The following ADGRL2 variants were observed in gnomAD, a reference collection of about 807,000 sequenced individuals.
ADGRL2 encodes the protein calcium-independent alpha-latrotoxin receptor 2.
In ADGRL2, 44 loss-of-function variants were observed where a neutral mutation model predicts 157.4. The ratio of observed to expected loss-of-function variants is 0.28; its 90% CI spans 0.22 to 0.36. ADGRL2 has a LOEUF of 0.36. Among genes scored for constraint, ADGRL2 ranks in the 10% least tolerant of loss-of-function variants. The probability of loss-of-function intolerance (pLI) is 1.00; values close to 1 mark genes in which losing one functional copy is unlikely to be tolerated. For synonymous variants in ADGRL2, 585 were observed against 624.7 expected (o/e 0.94, Z 0.95); for missense variants, 1,510 against 1,768.9 (o/e 0.85, Z 2.63).
chr1:81,845,292 G>A (rs1298369728), intron 2 of ADGRL2, among the ~76,000 whole-genome samples: 1 of 151,854 alleles, frequency 6.6e-6, no homozygotes, highest in Non-Finnish European at 1.5e-5. Context: ...TTTCTTTCAA[G>A]TATAAGTAAA....
intron 2 of ADGRL2, among the ~76,000 whole-genome samples, chr1:81,789,008 G>A (rs761650933): frequency 2.0e-5 from 3 of 152,074 alleles, no homozygotes; most frequent in South Asian, 4.2e-4. Context: ...GAGCCACTGC[G>A]CCTGGTCTGG....
At chr1:81,436,309 G>C (rs2077408434) in intron 1 of ADGRL2, among the ~76,000 whole-genome samples, 1 of 152,118 alleles carries the variant, frequency 6.6e-6, no homozygotes, top group African/African-American at 2.4e-5. Context: ...TTGTTCTAGA[G>C]GGGACTTACA....
chr1:81,564,790 A>G (rs1441412833), intron 2 of ADGRL2, among the ~76,000 whole-genome samples: 1 of 152,144 alleles, frequency 6.6e-6, no homozygotes, highest in Non-Finnish European at 1.5e-5. Flanking sequence ...CACAGTCAAG[A>G]AAGTGTTCTC....
intron 1 of ADGRL2, among the ~76,000 whole-genome samples, chr1:81,408,033 GAC>G (rs1191907623): frequency 6.6e-6 from 1 of 152,128 alleles, no homozygotes; most frequent in African/African-American, 2.4e-5. Flanking sequence ...TGTTACACAA[GAC>G]ACACACAGGA....
At chr1:81,565,374 A>C (rs891884890) in intron 2 of ADGRL2, among the ~76,000 whole-genome samples, 5 of 152,226 alleles carry the variant, frequency 3.3e-5, no homozygotes, top group African/African-American at 1.2e-4. Flanking sequence ...TAGAGCAATA[A>C]ATATCTTTGG....
At chr1:81,460,048 C>A (rs1438917977) in intron 2 of ADGRL2, among the ~76,000 whole-genome samples, 1 of 151,828 alleles carries the variant, frequency 6.6e-6, no homozygotes, top group Admixed American at 6.6e-5. Flanking sequence ...CTAAGAGGTG[C>A]AAGGTGATAT....
intron 2 of ADGRL2, among the ~76,000 whole-genome samples, chr1:81,489,225 A>C (rs1305027036): frequency 1.4e-5 from 2 of 145,988 alleles, no homozygotes; most frequent in African/African-American, 5.4e-5. Flanking sequence ...TGACAGAGGG[A>C]GACTCTGTCT....
intron 2 of ADGRL2, among the ~76,000 whole-genome samples, chr1:81,472,561 G>A (rs773932957): frequency 6.6e-5 from 10 of 152,118 alleles, no homozygotes; most frequent in Non-Finnish European, 1.3e-4. Context: ...AACCAGGGAG[G>A]TGGGGGGAGG....
intron 1 of ADGRL2, among the ~76,000 whole-genome samples, chr1:81,318,037 T>C (rs1660232567): frequency 1.3e-5 from 2 of 152,192 alleles, no homozygotes; most frequent in Non-Finnish European, 2.9e-5. Flanking sequence ...TCTGACTTTA[T>C]ATTTAATATA....
rs2080947878 is a variant in ADGRL2, at chr1:81,582,997, A to G, written c.-143+2017A>G. On this transcript the variant is annotated intron_variant, in intron 3 of 24. Transcript: ENST00000370721. ...TTCATTCTTTCAGTTTTATTAATGTATAAGAACACTCCCATGTGTCATGGG... is the reference window on the plus strand; with the variant it reads ...TTCATTCTTTCAGTTTTATTAATGTGTAAGAACACTCCCATGTGTCATGGG... Among the ~76,000 whole-genome samples, 3 of 152,284 alleles carry G rather than the reference A, an allele frequency of 2.0e-5. No homozygotes were observed. The South Asian group carries it at 6.2e-4, about 32-fold the overall frequency.
intron 1 of ADGRL2, among the ~76,000 whole-genome samples, chr1:81,818,988 T>C (rs2090707351): frequency 6.6e-6 from 1 of 152,120 alleles, no homozygotes; most frequent in Non-Finnish European, 1.5e-5. Flanking sequence ...AAGTAGGAGA[T>C]GAAACGGGTG....
intron 3 of ADGRL2, among the ~76,000 whole-genome samples, chr1:81,678,979 C>A (rs1169601276): frequency 6.6e-6 from 1 of 152,090 alleles, no homozygotes; most frequent in Non-Finnish European, 1.5e-5. Flanking sequence ...TGTCATAAAG[C>A]TGCTATTATT....
At chr1:81,791,414 T>C (rs1269041255) in intron 2 of ADGRL2, among the ~76,000 whole-genome samples, 1 of 152,080 alleles carries the variant, frequency 6.6e-6, no homozygotes, top group Non-Finnish European at 1.5e-5. Context: ...CTGAAGAAGT[T>C]GGAGGCTCAA....
intron 1 of ADGRL2, among the ~76,000 whole-genome samples, chr1:81,363,064 A>G (rs1437280171): frequency 1.3e-5 from 2 of 152,090 alleles, no homozygotes; most frequent in Non-Finnish European, 2.9e-5. Flanking sequence ...GTATACACTT[A>G]CTATCTATGT....
chr1:81,536,297 A>G (rs2079735317), intron 2 of ADGRL2, among the ~76,000 whole-genome samples: 1 of 150,166 alleles, frequency 6.7e-6, no homozygotes, highest in Admixed American at 6.6e-5. Flanking sequence ...AAAATATTTT[A>G]CTGGTTTTTT....
intron 1 of ADGRL2, chr1:81,722,517 C>G (rs72715731): frequency 0.022 from 34,174 of 1,553,408 alleles, 536 homozygotes; most frequent in South Asian, 0.048. Context: ...TGTGACAGAG[C>G]CATGAAATAA....
At chr1:81,314,393 T>C (rs1263004442) in intron 1 of ADGRL2, among the ~76,000 whole-genome samples, 1 of 152,204 alleles carries the variant, frequency 6.6e-6, no homozygotes, top group Non-Finnish European at 1.5e-5. Flanking sequence ...TAAAATGGAA[T>C]GGCTTGAGAA....
At chr1:81,942,837 G>A (rs902981252) in intron 5 of ADGRL2, 132 bp from the exon 6 acceptor site, 3 of 730,054 alleles carry the variant, frequency 4.1e-6, no homozygotes, top group African/African-American at 1.7e-5. Flanking sequence ...GTATTTGTAT[G>A]AAGTATACAT....
intron 1 of ADGRL2, among the ~76,000 whole-genome samples, chr1:81,374,072 CACAT>C (rs1176845672): frequency 3.8e-5 from 4 of 105,958 alleles, no homozygotes; most frequent in Non-Finnish European, 9.5e-5. Flanking sequence ...CCTTTAAATA[CACAT>C]ACACACACAC....
Sources: gnomAD v4.1 joint callset for allele counts (sites outside exome capture counted in the v4.1 genomes callset) on GRCh38, gnomAD v4.1.1 for gene constraint, MANE v1.5 for transcripts, NCBI Gene and HGNC (gene_info 2026-07-23, HGNC 2026-07-21) for gene names.